BEND3: variants seen among roughly 807,000 people sequenced by gnomAD.
BEND3 encodes BEN domain-containing protein 3.
In BEND3, 13 loss-of-function variants were observed where a neutral mutation model predicts 60.1. The ratio of observed to expected loss-of-function variants is 0.22; its 90% CI spans 0.14 to 0.34. The LOEUF (loss-of-function observed/expected upper bound fraction) is 0.34. Ranked by LOEUF, BEND3 falls within the 10% of genes least tolerant of loss-of-function variation. BEND3 has a pLI of 1.00. For missense variants in BEND3, 896 were observed against 1,138.1 expected, an observed-to-expected ratio of 0.79 and a Z score of 3.06; for synonymous variants, 497 against 491.5, an observed-to-expected ratio of 1.01 and a Z score of -0.15.
chr6:107,066,527 T>C lies in BEND3; in HGVS notation c.*2177A>G, dbSNP rs868967423. The stretch of plus-strand genomic sequence containing the variant: ...ATATTTAATTCCTAGAACCTGTTGA[T>C]TTCTCTAACAGGGGTAGATGGGAGT... On this transcript the variant is annotated 3_prime_UTR_variant, in exon 4 of 4. Coordinates refer to ENST00000369042, the MANE Select transcript of BEND3 (RefSeq NM_001367314.1). 6.5e-6 allele frequency: 1 copy of C among 152,758 alleles called. No individual in the cohort carries two copies. Among genetic ancestry groups the C allele is most frequent in the Middle Eastern group, 3.4e-3 (1 of 294 alleles). 9.5% of individuals were successfully genotyped at this position (152,758 alleles called of 1,614,324 possible).
intron 3 of BEND3, among the ~76,000 whole-genome samples, chr6:107,077,648 C>A (rs1775128057): frequency 6.6e-6 from 1 of 152,162 alleles, no homozygotes; most frequent in Non-Finnish European, 1.5e-5. Context: ...GATATGAGTG[C>A]ACCTAAGGCT....
intron 1 of BEND3, among the ~76,000 whole-genome samples, chr6:107,102,399 C>A (rs1490800770): frequency 6.6e-6 from 1 of 152,154 alleles, no homozygotes; most frequent in Non-Finnish European, 1.5e-5. Flanking sequence ...CTACAGCAGG[C>A]AATTTGGCCT....
chr6:107,105,043 C>T (rs1554237212), intron 1 of BEND3, among the ~76,000 whole-genome samples: 1 of 151,668 alleles, frequency 6.6e-6, no homozygotes, highest in Non-Finnish European at 1.5e-5. Flanking sequence ...GCACACAGAA[C>T]AAAAATCAGC....
chr6:107,103,344 G>A (rs1775739754), intron 1 of BEND3, among the ~76,000 whole-genome samples: 1 of 152,174 alleles, frequency 6.6e-6, no homozygotes, highest in African/African-American at 2.4e-5. Context: ...CCAGCACCCA[G>A]ATGCCTAGCA....
At chr6:107,080,843 C>T (rs1775217035) in intron 3 of BEND3, among the ~76,000 whole-genome samples, 1 of 151,942 alleles carries the variant, frequency 6.6e-6, no homozygotes, top group Non-Finnish European at 1.5e-5. Flanking sequence ...GAGATCATGC[C>T]ACTGCACTCC....
At chr6:107,093,222 A>G (rs904013492) in intron 3 of BEND3, among the ~76,000 whole-genome samples, 3 of 152,230 alleles carry the variant, frequency 2.0e-5, no homozygotes, top group African/African-American at 7.2e-5. Flanking sequence ...GCACTTTGGG[A>G]GGCTGAGGAG....
chr6:107,069,208 G>C lies in BEND3; in HGVS notation c.1983C>G (p.His661Gln). ...RRSYQQQRKV[H>Q]VPGPECRDLT... ...AGTCTCTGCACTCAGGGCCCGGCACGTGGACCTTGCGCTGCTGCTGGTAGG... is the reference window on the plus strand; with the variant it reads ...AGTCTCTGCACTCAGGGCCCGGCACCTGGACCTTGCGCTGCTGCTGGTAGG... Residue 661 changes from histidine to glutamine, a missense_variant, in exon 4 of 4, where the codon CAC becomes CAG. His to Gln is a conservative substitution (Grantham distance 24). This residue lies in a region of BEND3 where 846 missense variants were observed against 1,036.7 expected (regional missense o/e 0.82). Coordinates refer to ENST00000369042, the MANE Select transcript of BEND3 (RefSeq NM_001367314.1). 6.2e-7 allele frequency: 1 copy of C among 1,612,536 alleles called. No homozygotes were observed. The highest frequency in any genetic ancestry group is 8.5e-7 in the Non-Finnish European group (1 of 1,179,996).
intron 1 of BEND3, among the ~76,000 whole-genome samples, chr6:107,103,407 A>T (rs1328983146): frequency 6.6e-6 from 1 of 152,212 alleles, no homozygotes; most frequent in Non-Finnish European, 1.5e-5. Context: ...AGGCGCTGCC[A>T]CAACTACCCA....
chr6:107,073,877 C>A (rs1775043941), intron 3 of BEND3, among the ~76,000 whole-genome samples: 1 of 151,918 alleles, frequency 6.6e-6, no homozygotes, highest in African/African-American at 2.4e-5. Flanking sequence ...CAGAGCAAGA[C>A]CCTGTCTCAG....
chr6:107,069,637 C>T lies in BEND3; in HGVS notation c.1554G>A (p.Glu518=), dbSNP rs1390266332. The change falls in exon 4 of 4, where the codon GAG becomes GAA. Residue 518 remains glutamate, a synonymous_variant. Transcript: ENST00000369042. ...TGGAGCGGCGACCCGGCCGCTCGCCCTCGAAGCTGTCCTCCACCTTGACCA... is the reference window on the plus strand; with the variant it reads ...TGGAGCGGCGACCCGGCCGCTCGCCTTCGAAGCTGTCCTCCACCTTGACCA... The part of the protein sequence containing the change: ...ISVVKVEDSF[E]GERPGRRSKK... 6.2e-7 allele frequency: 1 copy of T among 1,610,554 alleles called. No homozygotes were observed. Among genetic ancestry groups the T allele is most frequent in the African/African-American group, 1.3e-5 (1 of 74,950 alleles).
In BEND3 at chr6:107,065,643, C is replaced by T. The variant is rs1346681424; in HGVS notation, c.*3061G>A. On this transcript the variant is annotated 3_prime_UTR_variant, in exon 4 of 4. Transcript: ENST00000369042. ...GAAAGAAGCAAACATTTGTGGGGAA[C>T]GTTGGAAACGGAGGCCATCTCTAAA... 1 of 152,130 alleles carries T rather than the reference C, an allele frequency of 6.6e-6. No homozygotes were observed. Among genetic ancestry groups the T allele is most frequent in the East Asian group, 1.9e-4 (1 of 5,198 alleles). The allele number at this position is 152,130 out of a possible 1,614,324, so 9.4% of individuals were successfully genotyped here.
intron 3 of BEND3, among the ~76,000 whole-genome samples, chr6:107,071,619 A>G (rs1774983809): frequency 6.6e-6 from 1 of 152,242 alleles, no homozygotes; most frequent in Non-Finnish European, 1.5e-5. Flanking sequence ...CAACTGTGAG[A>G]CAGTAGAAAC....
At chr6:107,111,119 T>C (rs1471027173) in intron 1 of BEND3, among the ~76,000 whole-genome samples, 2 of 152,156 alleles carry the variant, frequency 1.3e-5, no homozygotes, top group African/African-American at 4.8e-5. Context: ...GGGCCTAGAC[T>C]GTGCCACTGC....
chr6:107,104,189 C>CT (rs1464507340), intron 1 of BEND3, among the ~76,000 whole-genome samples: 1 of 150,068 alleles, frequency 6.7e-6, no homozygotes, highest in Non-Finnish European at 1.5e-5. Context: ...ACTCGGGAGG[C>CT]TGAGGCAGGA....
chr6:107,083,926 A>G (rs1251573559), intron 3 of BEND3, among the ~76,000 whole-genome samples: 1 of 152,212 alleles, frequency 6.6e-6, no homozygotes, highest in African/African-American at 2.4e-5. Flanking sequence ...TATCTTGAAA[A>G]AGAAAAAGCA....
At chr6:107,075,880 G>A (rs1775090731) in intron 3 of BEND3, among the ~76,000 whole-genome samples, 1 of 152,154 alleles carries the variant, frequency 6.6e-6, no homozygotes, top group South Asian at 2.1e-4. Context: ...GCAGGTGGGA[G>A]GCAAGAGTAC....
At position 107,068,490 on chromosome 6, in the gene BEND3, A is replaced by G. The variant is rs1035246751; in HGVS notation, c.*214T>C. On this transcript the variant is annotated 3_prime_UTR_variant, in exon 4 of 4. Transcript: ENST00000369042. The surrounding 1 kb of genome is among the most constrained non-coding windows in gnomAD (Gnocchi z 5.8). Reference sequence around the variant, plus strand: ...CTCAGGCTGCCCCGCCGGGGCACATAGGACAGAAGTTGTAAGTACAAGAGA... The same window carrying G: ...CTCAGGCTGCCCCGCCGGGGCACATGGGACAGAAGTTGTAAGTACAAGAGA... The G allele has an allele frequency of 3.0e-5, 17 of 567,526 alleles. No homozygotes were observed. Among genetic ancestry groups the G allele is most frequent in the Middle Eastern group, 4.7e-4 (1 of 2,134 alleles). The allele number at this position is 567,526 out of a possible 1,614,324, so 35.2% of individuals were successfully genotyped here.
intron 3 of BEND3, among the ~76,000 whole-genome samples, chr6:107,087,034 A>AG (rs1775364747): frequency 6.6e-6 from 1 of 150,840 alleles, no homozygotes; most frequent in Non-Finnish European, 1.5e-5. Context: ...AAAAAAAAAA[A>AG]AAAAAAAGAA....
At chr6:107,107,138 T>C (rs1775833982) in intron 1 of BEND3, among the ~76,000 whole-genome samples, 1 of 152,020 alleles carries the variant, frequency 6.6e-6, no homozygotes, top group African/African-American at 2.4e-5. Flanking sequence ...AGTTTCACCA[T>C]GTTGGCCCAG....
Sources: gnomAD v4.1 joint callset for allele counts (sites outside exome capture counted in the v4.1 genomes callset) on GRCh38, gnomAD v4.1.1 for gene constraint, gnomAD v4.1.1 regional missense constraint, Gnocchi (gnomAD v3.1) non-coding constraint, MANE v1.5 for transcripts, NCBI Gene and HGNC (gene_info 2026-07-23, HGNC 2026-07-21) for gene names.